The following HDAC9 variants were observed in gnomAD, a reference collection of about 807,000 sequenced individuals.
The protein encoded by HDAC9 is MEF-2 interacting transcription repressor (MITR) protein.
In HDAC9, 41 loss-of-function variants were observed where a neutral mutation model predicts 139.4. The ratio of observed to expected loss-of-function variants is 0.29; its 90% CI spans 0.23 to 0.38. The LOEUF (loss-of-function observed/expected upper bound fraction) is 0.38. Among genes scored for constraint, HDAC9 ranks in the 10% least tolerant of loss-of-function variants. The pLI, the probability that HDAC9 is intolerant of heterozygous loss-of-function variation, is 1.00. For synonymous variants in HDAC9, 517 were observed against 476.2 expected (o/e 1.09, Z -1.12); for missense variants, 1,147 against 1,297.0 (o/e 0.88, Z 1.78).
chr7:18,285,002 G>A (rs956758923), intron 2 of HDAC9, among the ~76,000 whole-genome samples: 5 of 152,094 alleles, frequency 3.3e-5, no homozygotes, highest in South Asian at 2.1e-4. Context: ...TGCCAGACAA[G>A]CTTCACTTTA....
intron 13 of HDAC9, among the ~76,000 whole-genome samples, chr7:18,732,622 C>T (rs1401296928): frequency 2.1e-5 from 3 of 143,134 alleles, no homozygotes; most frequent in Non-Finnish European, 4.5e-5. Context: ...TGTATATACA[C>T]ACACGTGTAT....
At chr7:18,870,842 C>A (rs1233717839) in intron 21 of HDAC9, among the ~76,000 whole-genome samples, 3 of 151,976 alleles carry the variant, frequency 2.0e-5, no homozygotes, top group Non-Finnish European at 4.4e-5. Context: ...TGTGGCTAAT[C>A]TTTTTTGGAG....
chr7:18,580,801 G>T (rs1332938526), intron 2 of HDAC9, among the ~76,000 whole-genome samples: 1 of 152,232 alleles, frequency 6.6e-6, no homozygotes, highest in African/African-American at 2.4e-5. Context: ...TTCTAATTAT[G>T]ATAATATGGC....
At chr7:18,861,966 A>G (rs1798142077) in intron 21 of HDAC9, among the ~76,000 whole-genome samples, 1 of 152,210 alleles carries the variant, frequency 6.6e-6, no homozygotes, top group Non-Finnish European at 1.5e-5. Flanking sequence ...AAAAGCACAG[A>G]GTACTATAAT....
chr7:18,928,974 G>GT (rs559265157), intron 22 of HDAC9, among the ~76,000 whole-genome samples: 36 of 151,056 alleles, frequency 2.4e-4, no homozygotes, highest in Middle Eastern at 3.4e-3. Flanking sequence ...TTTTAATATA[G>GT]TTTTTTTTAA....
rs1786584023 is a variant in HDAC9 at position 18,998,435 on chromosome 7, C to A, written c.*2373C>A. ...ACATACTCCCATATGACACCATACC[C>A]AATTGGTTGCACTTAGAGTCTTTAA... is the stretch of plus-strand genomic sequence containing the variant. On this transcript the variant is annotated 3_prime_UTR_variant, in exon 26 of 26. Coordinates refer to ENST00000686413, the MANE Select transcript of HDAC9 (RefSeq NM_178425.4). 6.6e-6 allele frequency: 1 copy of A among 152,092 alleles called. No individual in the cohort carries two copies. Among genetic ancestry groups the A allele is most frequent in the Non-Finnish European group, 1.5e-5 (1 of 68,016 alleles). 9.4% of individuals were successfully genotyped at this position (152,092 alleles called of 1,614,324 possible).
chr7:18,289,053 C>T (rs1213234394), upstream of HDAC9, among the ~76,000 whole-genome samples: 2 of 152,096 alleles, frequency 1.3e-5, no homozygotes, highest in African/African-American at 4.8e-5. Context: ...CCTGAAGATG[C>T]AAAAGCCACA....
chr7:18,724,201 C>T (rs780184533), intron 12 of HDAC9, among the ~76,000 whole-genome samples: 5 of 152,022 alleles, frequency 3.3e-5, no homozygotes, highest in Non-Finnish European at 5.9e-5. Context: ...CATATCATCC[C>T]GAATTTTTCC....
intron 2 of HDAC9, among the ~76,000 whole-genome samples, chr7:18,580,977 G>C (rs995857158): frequency 7.9e-5 from 12 of 152,256 alleles, no homozygotes; most frequent in African/African-American, 2.9e-4. Flanking sequence ...AATATGATGA[G>C]CCTTTGTCAC....
chr7:18,742,752 C>G (rs563641895), intron 13 of HDAC9, among the ~76,000 whole-genome samples: 1 of 151,998 alleles, frequency 6.6e-6, no homozygotes, highest in East Asian at 1.9e-4. Context: ...TATTCAATAG[C>G]GCTGATCTGG....
At chr7:18,641,541 C>T (rs1468273592) in intron 8 of HDAC9, among the ~76,000 whole-genome samples, 1 of 152,084 alleles carries the variant, frequency 6.6e-6, no homozygotes, top group Non-Finnish European at 1.5e-5. Context: ...AAACAATAGC[C>T]ATTCATACAT....
intron 12 of HDAC9, among the ~76,000 whole-genome samples, chr7:18,685,691 T>C (rs1201954514): frequency 6.6e-6 from 1 of 152,024 alleles, no homozygotes; most frequent in Admixed American, 6.6e-5. Flanking sequence ...TGAACTAGAA[T>C]TGGCAAATAG....
intron 1 of HDAC9, among the ~76,000 whole-genome samples, chr7:18,155,928 A>G (rs1460632665): frequency 6.6e-6 from 1 of 152,174 alleles, no homozygotes; most frequent in Non-Finnish European, 1.5e-5. Context: ...CACCGACTGC[A>G]TTGCTGATGT....
At chr7:18,368,315 T>C (rs890932699) in intron 1 of HDAC9, among the ~76,000 whole-genome samples, 1 of 152,096 alleles carries the variant, frequency 6.6e-6, no homozygotes, top group African/African-American at 2.4e-5. Flanking sequence ...TGGGATTTTT[T>C]TGTGTTTGGT....
chr7:18,987,003 T>G (rs1482237152), intron 25 of HDAC9, among the ~76,000 whole-genome samples: 1 of 152,226 alleles, frequency 6.6e-6, no homozygotes, highest in Non-Finnish European at 1.5e-5. Context: ...TACAATCATG[T>G]CATCTGCAAA....
chr7:18,477,945 T>G (rs1381053434), intron 1 of HDAC9, among the ~76,000 whole-genome samples: 1 of 152,196 alleles, frequency 6.6e-6, no homozygotes, highest in African/African-American at 2.4e-5. Context: ...ACCTGCATTT[T>G]TCTATGCTTG....
At chr7:18,864,816 G>A (rs77993211) in intron 21 of HDAC9, among the ~76,000 whole-genome samples, 2,234 of 151,802 alleles carry the variant, frequency 0.015, 16 homozygotes, top group African/African-American at 0.019. Flanking sequence ...AAAAAGTTCT[G>A]GAGTTGGAAC....
chr7:18,162,432 T>C (rs1358689580), intron 2 of HDAC9: 2 of 1,331,534 alleles, frequency 1.5e-6, no homozygotes, highest in Non-Finnish European at 2.0e-6. Flanking sequence ...AGTAATTTAA[T>C]TTATGAAGGA....
chr7:18,584,190 G>C (rs1828733787), intron 2 of HDAC9, among the ~76,000 whole-genome samples: 1 of 139,936 alleles, frequency 7.1e-6, no homozygotes, highest in African/African-American at 2.7e-5. Flanking sequence ...ACCCAGGCTG[G>C]AGTGCAGTAG....
Sources: gnomAD v4.1 joint callset for allele counts (sites outside exome capture counted in the v4.1 genomes callset) on GRCh38, gnomAD v4.1.1 for gene constraint, MANE v1.5 for transcripts, NCBI Gene and HGNC (gene_info 2026-07-23, HGNC 2026-07-21) for gene names.